USP36: variants seen among roughly 807,000 people sequenced by gnomAD.
USP36 encodes the protein ubiquitin carboxyl-terminal hydrolase 36.
Under a neutral mutation model 111.5 loss-of-function variants are expected in USP36, and 59 were observed. That is an observed-to-expected ratio of 0.53 (90% CI 0.43 to 0.66). The LOEUF is 0.66. Among genes scored for constraint, USP36 ranks in the 30% least tolerant of loss-of-function variants. The probability of loss-of-function intolerance (pLI) is 0.00; values close to 1 mark genes in which losing one functional copy is unlikely to be tolerated. For synonymous variants in USP36, 628 were observed against 581.0 expected (o/e 1.08, Z -1.16); for missense variants, 1,488 against 1,468.0 (o/e 1.01, Z -0.22).
intron 14 of USP36, 117 bp downstream of exon 14, chr17:78,806,842 T>C (rs530007212): frequency 1.4e-6 from 2 of 1,390,602 alleles, no homozygotes; most frequent in Admixed American, 2.2e-5. Flanking sequence ...ACTTTGTTCC[T>C]CTAACATGAG....
Position 78,798,167 on chromosome 17 carries a change from C to A in USP36, c.*20+233G>T. ...CACACTACACACACCCCCTTATACA[C>A]ACGCATCCCACACACACCCCCTTAT... On this transcript the variant is annotated intron_variant, in intron 20 of 20. Coordinates refer to ENST00000449938, the MANE Select transcript of USP36 (RefSeq NM_001385174.1). This position sits in a 1 kb window ranked among gnomAD's most constrained non-coding sequence, Gnocchi z 5.1. 1 of 558,462 alleles carries A rather than the reference C, an allele frequency of 1.8e-6. No individual in the cohort carries two copies. The highest frequency in any genetic ancestry group is 2.2e-5 in the South Asian group (1 of 44,668). The allele number at this position is 558,462 out of a possible 1,614,324, so 34.6% of individuals were successfully genotyped here.
intron 13 of USP36, 49 bp from the exon 14 acceptor site, chr17:78,807,685 G>A (rs2145134596): frequency 4.0e-6 from 6 of 1,494,516 alleles, no homozygotes; most frequent in Non-Finnish European, 5.4e-6. Flanking sequence ...AGAAGTCTCA[G>A]CTGGGCCACA....
At chr17:78,838,371 C>CAAAAAAAAAAAAAAAAAA (rs1195525371) in intron 2 of USP36, among the ~76,000 whole-genome samples, 2 of 58,522 alleles carry the variant, frequency 3.4e-5, no homozygotes, top group Admixed American at 1.8e-4. Flanking sequence ...GACTTGGTCT[C>CAAAAAAAAAAAAAAAAAA]AAAAAAAAAA....
Position 78,838,702 on chromosome 17 carries a change from T to G in USP36, c.-125A>C, listed in dbSNP as rs1444023795. ...CGGAGCTCCTGAATGTAAGCGCTCC[T>G]GGACTGTGGCCTGTTCAAACACCGA... is the stretch of plus-strand genomic sequence containing the variant. On this transcript the variant is annotated 5_prime_UTR_variant, in exon 2 of 21. Coordinates refer to ENST00000449938, the MANE Select transcript of USP36 (RefSeq NM_001385174.1). 6.6e-6 allele frequency: 1 copy of G among 152,288 alleles called. No homozygotes were observed. The highest frequency in any genetic ancestry group is 1.5e-5 in the Non-Finnish European group (1 of 68,098). 9.4% of individuals were successfully genotyped at this position (152,288 alleles called of 1,614,324 possible).
At chr17:78,833,932 T>A (rs531335228) in intron 4 of USP36, among the ~76,000 whole-genome samples, 1 of 152,036 alleles carries the variant, frequency 6.6e-6, no homozygotes. Flanking sequence ...GTGTAAAGGA[T>A]TGGAATTGTT....
rs557142593 is a variant in USP36, at chr17:78,798,259, A to G, written c.*20+141T>C. On this transcript the variant is annotated intron_variant, in intron 20 of 20. Transcript: ENST00000449938. The surrounding 1 kb of genome is among the most constrained non-coding windows in gnomAD (Gnocchi z 5.1). Reference sequence around the variant, plus strand: ...CACACACCACAGACGCGCCCACACCACACACACCACCCAACACACATGTGC... The same window carrying G: ...CACACACCACAGACGCGCCCACACCGCACACACCACCCAACACACATGTGC... The G allele has an allele frequency of 3.8e-4, 439 of 1,167,090 alleles. 3 individuals are homozygous for G. Among genetic ancestry groups the G allele is most frequent in the Middle Eastern group, 3.0e-3 (10 of 3,340 alleles). 72.3% of individuals were successfully genotyped at this position (1,167,090 alleles called of 1,614,324 possible). A position where few individuals can be genotyped will look rare whatever the true frequency, so the allele number is the denominator to read the frequency against.
rs1461992730 is a variant in USP36, at chr17:78,835,478, A to C, written c.277T>G (p.Cys93Gly). The change falls in exon 4 of 21, where the codon TGT (cysteine) becomes GGT (glycine). Residue 93 changes from cysteine to glycine, a missense_variant. By Grantham distance (159) the Cys-to-Gly change is radical (BLOSUM62 -3). Transcript: ENST00000449938. Reference sequence around the variant, plus strand: ...TGCGGGGCTGGGACTCCGTCACCACAGCTCTCATACGTGTGCTCACTGCCT... The same window carrying C: ...TGCGGGGCTGGGACTCCGTCACCACCGCTCTCATACGTGTGCTCACTGCCT... The part of the protein sequence containing the change: ...RQGSEHTYES[C>G]GDGVPAPQKV... 6.2e-7 allele frequency: 1 copy of C among 1,607,650 alleles called. No homozygotes were observed. The highest frequency in any genetic ancestry group is 1.3e-5 in the African/African-American group (1 of 74,808).
In USP36 at chr17:78,807,258, G is replaced by A. The variant is rs774965047; in HGVS notation, c.1786C>T (p.Leu596=). ...LATATANGHG[L]KGNDESAGLD... ...CCAGCGCTCTCGTCGTTCCCCTTCA[G>A]CCCATGCCCGTTGGCAGTGGCTGTA... The change falls in exon 14 of 21, where the codon CTG becomes TTG. Residue 596 remains leucine, a synonymous_variant. Coordinates refer to ENST00000449938, the MANE Select transcript of USP36 (RefSeq NM_001385174.1). 49 of 1,614,044 alleles carry A rather than the reference G, an allele frequency of 3.0e-5. 1 individual carries two copies. In the South Asian group the frequency reaches 4.9e-4, roughly 16 times the overall value.
rs1391314345 is a variant in USP36, at chr17:78,798,802, T to C, written c.3240+106A>G. 7.1e-7 allele frequency: 1 copy of C among 1,408,516 alleles called. No individual in the cohort carries two copies. Among genetic ancestry groups the C allele is most frequent in the Non-Finnish European group, 9.9e-7 (1 of 1,013,136 alleles). The allele number at this position is 1,408,516 out of a possible 1,614,324, so 87.3% of individuals were successfully genotyped here. On this transcript the variant is annotated intron_variant, in intron 19 of 20. Transcript: ENST00000449938. This position sits in a 1 kb window ranked among gnomAD's most constrained non-coding sequence, Gnocchi z 5.1. ...GGCCTGGGCAGCCTGGCTCTTCTCA[T>C]GCTCGGCCGCTTCATGCCACTGCCG... is the stretch of plus-strand genomic sequence containing the variant.
At chr17:78,812,025 C>T (rs1041174942) in intron 13 of USP36, among the ~76,000 whole-genome samples, 1 of 151,998 alleles carries the variant, frequency 6.6e-6, no homozygotes, top group African/African-American at 2.4e-5. Context: ...CCTGTCTCTA[C>T]ACAAAATTTA....
At chr17:78,805,867 CA>C (rs2093885079) in intron 15 of USP36, among the ~76,000 whole-genome samples, 1 of 152,212 alleles carries the variant, frequency 6.6e-6, no homozygotes, top group Non-Finnish European at 1.5e-5. Flanking sequence ...GGTCAGTCCC[CA>C]GCACACCACA....
intron 18 of USP36, 54 bp from the exon 19 acceptor site, chr17:78,799,077 G>A: frequency 6.4e-7 from 1 of 1,553,516 alleles, no homozygotes; most frequent in Non-Finnish European, 8.9e-7. Flanking sequence ...GTCCCCTGTG[G>A]CTTCACTTCA....
intron 4 of USP36, among the ~76,000 whole-genome samples, chr17:78,830,954 C>T (rs1460567199): frequency 1.3e-5 from 2 of 151,876 alleles, no homozygotes; most frequent in African/African-American, 4.8e-5. Flanking sequence ...AGGCCAGATG[C>T]AGTGGCTCAC....
At chr17:78,814,378 C>T (rs2094134339) in intron 11 of USP36, 34 bp downstream of exon 11, 1 of 1,611,464 alleles carries the variant, frequency 6.2e-7, no homozygotes, top group Non-Finnish European at 8.5e-7. Context: ...GAAACCTGTC[C>T]CAGGAGGCAG....
chr17:78,805,787 G>A (rs577883858), intron 15 of USP36, among the ~76,000 whole-genome samples: 1 of 152,286 alleles, frequency 6.6e-6, no homozygotes, highest in Non-Finnish European at 1.5e-5. Context: ...CAAGCCTCTC[G>A]CCAAGGCCTC....
At chr17:78,821,795 G>T in intron 7 of USP36, 142 bp downstream of exon 7, 2 of 909,984 alleles carry the variant, frequency 2.2e-6, no homozygotes, top group Non-Finnish European at 3.3e-6. Flanking sequence ...AGTCTCAGAG[G>T]AAACCATGGC....
intron 13 of USP36, among the ~76,000 whole-genome samples, chr17:78,808,606 A>G (rs1237482425): frequency 1.3e-5 from 2 of 152,208 alleles, no homozygotes; most frequent in Admixed American, 1.3e-4. Context: ...GATACACATT[A>G]ACTGTATGGT....
chr17:78,826,480 C>T (rs957623215), intron 6 of USP36: 1 of 152,264 alleles, frequency 6.6e-6, no homozygotes, highest in African/African-American at 2.4e-5. Context: ...GTCTTATTTA[C>T]GTAAGAATAT....
intron 4 of USP36, among the ~76,000 whole-genome samples, chr17:78,832,254 C>T (rs1003080425): frequency 3.3e-5 from 5 of 152,314 alleles, no homozygotes; most frequent in South Asian, 2.1e-4. Flanking sequence ...GCTGCTGCTC[C>T]GTGCCACGTG....
Sources: gnomAD v4.1 joint callset for allele counts (sites outside exome capture counted in the v4.1 genomes callset) on GRCh38, gnomAD v4.1.1 for gene constraint, Gnocchi (gnomAD v3.1) non-coding constraint, MANE v1.5 for transcripts, NCBI Gene and HGNC (gene_info 2026-07-23, HGNC 2026-07-21) for gene names.